The following SGCZ variants were observed in gnomAD, a reference collection of about 807,000 sequenced individuals.
The protein encoded by SGCZ is zeta-sarcoglycan.
Under a neutral mutation model 41.3 loss-of-function variants are expected in SGCZ, and 40 were observed. The observed-to-expected ratio is 0.97, with a 90% confidence interval of 0.75 to 1.26. SGCZ has a LOEUF of 1.26. SGCZ is among the 50% of genes most tolerant of loss of function. The pLI is 0.00. For missense variants in SGCZ, 552 were observed against 369.8 expected, an observed-to-expected ratio of 1.49 and a Z score of -4.04; for synonymous variants, 206 against 137.5, an observed-to-expected ratio of 1.50 and a Z score of -3.49.
chr8:14,754,796 G>C (rs1799605836), intron 1 of SGCZ, among the ~76,000 whole-genome samples: 1 of 152,102 alleles, frequency 6.6e-6, no homozygotes, highest in Admixed American at 6.5e-5. Flanking sequence ...CAACCTTCCT[G>C]GGCTCAAGCA....
At chr8:14,528,124 A>G (rs17119661) in intron 2 of SGCZ, among the ~76,000 whole-genome samples, 2,395 of 152,154 alleles carry the variant, frequency 0.016, 48 homozygotes, top group East Asian at 0.075. Flanking sequence ...TTCTGTTTAG[A>G]GTCCTCTATG....
chr8:14,936,535 C>T (rs567325422), intron 1 of SGCZ, among the ~76,000 whole-genome samples: 123 of 151,748 alleles, frequency 8.1e-4, no homozygotes, highest in Non-Finnish European at 1.6e-3. Context: ...CACTTTTGCA[C>T]CACCATGAAG....
chr8:14,093,873 T>C (rs181738043), intron 7 of SGCZ, among the ~76,000 whole-genome samples: 1 of 152,222 alleles, frequency 6.6e-6, no homozygotes, highest in African/African-American at 2.4e-5. Flanking sequence ...ATAGTAAAAA[T>C]CCATTTGTAA....
At chr8:14,297,039 A>C (rs1801035003) in intron 3 of SGCZ, among the ~76,000 whole-genome samples, 1 of 152,052 alleles carries the variant, frequency 6.6e-6, no homozygotes, top group Non-Finnish European at 1.5e-5. Flanking sequence ...CTCCTGTCTC[A>C]GCATCCTGAG....
At chr8:14,616,498 A>G (rs982782864) in intron 1 of SGCZ, among the ~76,000 whole-genome samples, 3 of 152,174 alleles carry the variant, frequency 2.0e-5, no homozygotes, top group African/African-American at 4.8e-5. Context: ...CTAAAAAACT[A>G]TATAAATTAG....
intron 5 of SGCZ, among the ~76,000 whole-genome samples, chr8:14,110,300 T>C (rs2117008266): frequency 6.6e-6 from 1 of 152,262 alleles, no homozygotes; most frequent in East Asian, 1.9e-4. Flanking sequence ...CATGGATAAC[T>C]ATTTCATGAT....
At chr8:14,195,546 A>G (rs1805240883) in intron 4 of SGCZ, among the ~76,000 whole-genome samples, 1 of 152,182 alleles carries the variant, frequency 6.6e-6, no homozygotes, top group Non-Finnish European at 1.5e-5. Flanking sequence ...TCACAAAACC[A>G]CATCTCAACA....
chr8:14,226,197 T>C (rs1806366894), intron 4 of SGCZ, among the ~76,000 whole-genome samples: 1 of 151,984 alleles, frequency 6.6e-6, no homozygotes. Context: ...TTAAGTTATA[T>C]ATAAAAAAAG....
rs185051474 is a variant in SGCZ at position 15,185,377 on chromosome 8, G to C, written c.39+52208C>G. Among the ~76,000 whole-genome samples, 321 of 152,302 alleles carry C rather than the reference G, an allele frequency of 2.1e-3. 2 individuals carry two copies. The highest frequency in any genetic ancestry group is 0.019 in the Admixed American group (284 of 15,298). On this transcript the variant is annotated intron_variant, in intron 1 of 7. Transcript: ENST00000382080. Reference sequence around the variant, plus strand: ...CATAATTAGTTCCACCAAAATAATTGTAAAAGCTGCTGCATCAGAAAAATA... The same window carrying C: ...CATAATTAGTTCCACCAAAATAATTCTAAAAGCTGCTGCATCAGAAAAATA...
intron 3 of SGCZ, among the ~76,000 whole-genome samples, chr8:14,300,779 A>C (rs539270400): frequency 1.3e-5 from 2 of 152,034 alleles, no homozygotes; most frequent in South Asian, 4.2e-4. Context: ...TCTTTTGAGA[A>C]ATTTCTATTC....
intron 1 of SGCZ, among the ~76,000 whole-genome samples, chr8:15,016,965 G>C (rs1165060702): frequency 1.3e-5 from 2 of 152,116 alleles, no homozygotes; most frequent in South Asian, 2.1e-4. Flanking sequence ...TACCCTCCAA[G>C]TAGGACAGCA....
chr8:14,477,980 T>A (rs1801409080), intron 2 of SGCZ, among the ~76,000 whole-genome samples: 1 of 152,230 alleles, frequency 6.6e-6, no homozygotes, highest in Admixed American at 6.5e-5. Context: ...TTGAAGACTT[T>A]AATTTTCCAA....
At chr8:14,696,735 C>G (rs1000400643) in intron 1 of SGCZ, among the ~76,000 whole-genome samples, 1 of 151,834 alleles carries the variant, frequency 6.6e-6, no homozygotes, top group African/African-American at 2.4e-5. Context: ...TGTATGCTGC[C>G]TTTAACATCA....
At chr8:14,382,029 C>T (rs1247589518) in intron 2 of SGCZ, among the ~76,000 whole-genome samples, 6 of 152,100 alleles carry the variant, frequency 3.9e-5, no homozygotes, top group African/African-American at 1.4e-4. Context: ...ACCTTGCTAA[C>T]TCTTGTTGAA....
intron 5 of SGCZ, among the ~76,000 whole-genome samples, chr8:14,115,336 T>C (rs542580387): frequency 6.6e-6 from 1 of 152,150 alleles, no homozygotes; most frequent in East Asian, 1.9e-4. Flanking sequence ...TTGATTCAAT[T>C]TACAGCTTCA....
intron 1 of SGCZ, among the ~76,000 whole-genome samples, chr8:15,089,884 C>T (rs1446167586): frequency 6.6e-6 from 1 of 152,116 alleles, no homozygotes; most frequent in Non-Finnish European, 1.5e-5. Context: ...ATACTGTGTT[C>T]AGAGAAGACT....
chr8:14,983,445 T>A (rs1176396387), intron 1 of SGCZ, among the ~76,000 whole-genome samples: 1 of 152,108 alleles, frequency 6.6e-6, no homozygotes, highest in East Asian at 1.9e-4. Context: ...AGTGGTGCGA[T>A]CTTGGCTCAC....
At chr8:14,763,644 G>A (rs1182098411) in intron 1 of SGCZ, among the ~76,000 whole-genome samples, 2 of 152,118 alleles carry the variant, frequency 1.3e-5, no homozygotes, top group Non-Finnish European at 2.9e-5. Flanking sequence ...CAAAACATTA[G>A]TGAGCCCCTG....
intron 1 of SGCZ, among the ~76,000 whole-genome samples, chr8:14,889,595 T>C (rs1163286154): frequency 2.0e-5 from 3 of 151,956 alleles, no homozygotes; most frequent in Admixed American, 2.0e-4. Context: ...ATGATGACAA[T>C]AACACCAGCC....
Sources: gnomAD v4.1 joint callset for allele counts (sites outside exome capture counted in the v4.1 genomes callset) on GRCh38, gnomAD v4.1.1 for gene constraint, MANE v1.5 for transcripts, NCBI Gene and HGNC (gene_info 2026-07-23, HGNC 2026-07-21) for gene names.